SPSB4: variants seen among roughly 807,000 people sequenced by gnomAD.
The protein encoded by SPSB4 is SPRY domain-containing SOCS box protein 4.
A neutral mutation model predicts 20.9 loss-of-function variants in SPSB4; 21 were observed. That is an observed-to-expected ratio of 1.01 (90% CI 0.71 to 1.45). The LOEUF (loss-of-function observed/expected upper bound fraction) is 1.45, where lower values mean the gene tolerates loss of function less well. SPSB4 is among the 40% of genes most tolerant of loss of function. SPSB4 has a pLI of 0.00. For missense variants in SPSB4, 399 were observed against 399.2 expected (o/e 1.00, Z 0.00); for synonymous variants, 207 against 183.8 (o/e 1.13, Z -1.02).
intron 2 of SPSB4, among the ~76,000 whole-genome samples, chr3:141,093,209 T>A (rs1308380439): frequency 6.6e-6 from 1 of 151,670 alleles, no homozygotes; most frequent in Admixed American, 6.6e-5. Flanking sequence ...CATAAGAGAG[T>A]CTGTAGAGAA....
At chr3:141,122,359 C>T (rs1938981687) in intron 2 of SPSB4, among the ~76,000 whole-genome samples, 1 of 152,174 alleles carries the variant, frequency 6.6e-6, no homozygotes, top group Non-Finnish European at 1.5e-5. Flanking sequence ...AGCTCCCAGT[C>T]AGGCTACACA....
At chr3:141,116,723 C>G (rs1187560415) in intron 2 of SPSB4, among the ~76,000 whole-genome samples, 2 of 152,188 alleles carry the variant, frequency 1.3e-5, no homozygotes, top group Admixed American at 1.3e-4. Flanking sequence ...TAGAATGTCT[C>G]ATGACATAGG....
intron 2 of SPSB4, among the ~76,000 whole-genome samples, chr3:141,097,863 A>T (rs1938567978): frequency 6.6e-6 from 1 of 152,208 alleles, no homozygotes; most frequent in Non-Finnish European, 1.5e-5. Context: ...AATTACTGAT[A>T]ATAATAGTGA....
intron 1 of SPSB4, among the ~76,000 whole-genome samples, chr3:141,059,613 C>A (rs940551056): frequency 6.6e-6 from 1 of 152,114 alleles, no homozygotes; most frequent in Non-Finnish European, 1.5e-5. Flanking sequence ...CCAGACAGCT[C>A]CCACCAGGCC....
rs145100525 is a variant in SPSB4 at position 141,106,372 on chromosome 3, T to C, written c.694+39574T>C. On this transcript the variant is annotated intron_variant, in intron 2 of 2. Coordinates refer to ENST00000310546, the MANE Select transcript of SPSB4 (RefSeq NM_080862.3). Reference sequence around the variant, plus strand: ...GTGTGCACCTTGGCCTGGCCTCAGGTATCCCATTATGGCTTTTCACCCTCC... The same window carrying C: ...GTGTGCACCTTGGCCTGGCCTCAGGCATCCCATTATGGCTTTTCACCCTCC... Among the ~76,000 whole-genome samples, 1,475 of 152,254 alleles carry C rather than the reference T, an allele frequency of 9.7e-3. 28 individuals are homozygous for C. The highest frequency in any genetic ancestry group is 0.034 in the African/African-American group (1,417 of 41,536).
chr3:141,098,485 C>T (rs1425153740), intron 2 of SPSB4, among the ~76,000 whole-genome samples: 3 of 152,088 alleles, frequency 2.0e-5, no homozygotes, highest in African/African-American at 7.2e-5. Context: ...ACAAGTCTTA[C>T]ATAATTCTTG....
rs530268826 is a variant in SPSB4 at position 141,116,211 on chromosome 3, G to T, written c.695-30931G>T. On this transcript the variant is annotated intron_variant, in intron 2 of 2. Transcript: ENST00000310546. The stretch of plus-strand genomic sequence containing the variant: ...TGCTTCAGGAAGGGGGCTTGATGGT[G>T]GTCGTTCTGGTGGCTGGGTCTGGAG... Among the ~76,000 whole-genome samples the T allele has an allele frequency of 2.6e-5, 4 of 152,314 alleles. No individual in the cohort carries two copies. The East Asian group carries it at 7.7e-4, about 29-fold the overall frequency.
At chr3:141,056,451 A>G (rs1576512058) in intron 1 of SPSB4, among the ~76,000 whole-genome samples, 1 of 151,416 alleles carries the variant, frequency 6.6e-6, no homozygotes, top group South Asian at 2.1e-4. Flanking sequence ...TTAGTATCTC[A>G]AAAATGCCCC....
chr3:141,125,329 C>A (rs1228143643), intron 2 of SPSB4, among the ~76,000 whole-genome samples: 1 of 152,126 alleles, frequency 6.6e-6, no homozygotes, highest in East Asian at 1.9e-4. Flanking sequence ...TCCGTTTCAC[C>A]CATGCGCTCA....
At chr3:141,083,616 G>A (rs1215264866) in intron 2 of SPSB4, among the ~76,000 whole-genome samples, 3 of 151,992 alleles carry the variant, frequency 2.0e-5, no homozygotes, top group African/African-American at 7.2e-5. Flanking sequence ...CCATGCTTCT[G>A]CTTGTGCTGT....
At chr3:141,071,295 C>A (rs1200016564) in intron 2 of SPSB4, among the ~76,000 whole-genome samples, 6 of 152,132 alleles carry the variant, frequency 3.9e-5, no homozygotes, top group Non-Finnish European at 7.4e-5. Flanking sequence ...GCTGACAGAA[C>A]GGCTTTGTCT....
rs537219745 is a variant in SPSB4 at position 141,072,611 on chromosome 3, C to T, written c.694+5813C>T. Among the ~76,000 whole-genome samples the T allele has an allele frequency of 1.2e-4, 18 of 152,252 alleles. No homozygotes were observed. In the East Asian group the frequency reaches 2.7e-3, roughly 23 times the overall value. On this transcript the variant is annotated intron_variant, in intron 2 of 2. Coordinates refer to ENST00000310546, the MANE Select transcript of SPSB4 (RefSeq NM_080862.3). Reference sequence around the variant, plus strand: ...GCTTCCTGAGGCCCTCAGCAGAAGCCGTGCCATGTTTGTACAGCCTGCAGA... The same window carrying T: ...GCTTCCTGAGGCCCTCAGCAGAAGCTGTGCCATGTTTGTACAGCCTGCAGA...
intron 2 of SPSB4, among the ~76,000 whole-genome samples, chr3:141,090,012 T>G (rs1286139999): frequency 1.3e-5 from 2 of 151,606 alleles, no homozygotes; most frequent in Non-Finnish European, 2.9e-5. Flanking sequence ...CCTTGTGTTT[T>G]TGCTCCTGCC....
Position 141,100,667 on chromosome 3 carries a change from C to A in SPSB4, c.694+33869C>A, listed in dbSNP as rs1938600794. Among the ~76,000 whole-genome samples, 6 of 152,210 alleles carry A rather than the reference C, an allele frequency of 3.9e-5. No homozygotes were observed. The South Asian group carries it at 1.2e-3, about 32-fold the overall frequency. On this transcript the variant is annotated intron_variant, in intron 2 of 2. Coordinates refer to ENST00000310546, the MANE Select transcript of SPSB4 (RefSeq NM_080862.3). The stretch of plus-strand genomic sequence containing the variant: ...ACTGATACACAGGGTTAGGGTGCAT[C>A]TTCTCAGCCAGTGTGAAGCAAAGGT...
At chr3:141,138,376 G>A (rs902486239) in intron 2 of SPSB4, among the ~76,000 whole-genome samples, 12 of 152,158 alleles carry the variant, frequency 7.9e-5, no homozygotes, top group African/African-American at 2.7e-4. Context: ...CCTTCTGCTA[G>A]CTTTTGAATG....
chr3:141,111,521 T>C (rs1342970587), intron 2 of SPSB4, among the ~76,000 whole-genome samples: 3 of 151,982 alleles, frequency 2.0e-5, no homozygotes, highest in East Asian at 3.9e-4. Context: ...GGTCCCTAGA[T>C]TGAACTGTTG....
chr3:141,070,203 CA>C (rs1937971195), intron 2 of SPSB4, among the ~76,000 whole-genome samples: 1 of 151,778 alleles, frequency 6.6e-6, no homozygotes, highest in Non-Finnish European at 1.5e-5. Context: ...GTCCAGGGCA[CA>C]AATAATAATA....
intron 1 of SPSB4, among the ~76,000 whole-genome samples, chr3:141,058,399 A>C (rs1380689689): frequency 6.6e-6 from 1 of 152,220 alleles, no homozygotes; most frequent in Non-Finnish European, 1.5e-5. Context: ...GGATAATGTC[A>C]TTAAGCATCC....
At chr3:141,147,038 G>C in intron 2 of SPSB4, 104 bp from the exon 3 acceptor site, 1 of 1,511,958 alleles carries the variant, frequency 6.6e-7, no homozygotes. Context: ...GACCCTGAAG[G>C]CCAGCTCAGA....
Sources: gnomAD v4.1 joint callset for allele counts (sites outside exome capture counted in the v4.1 genomes callset) on GRCh38, gnomAD v4.1.1 for gene constraint, MANE v1.5 for transcripts, NCBI Gene and HGNC (gene_info 2026-07-23, HGNC 2026-07-21) for gene names.